PDE1C: variants seen among roughly 807,000 people sequenced by gnomAD.
The protein encoded by PDE1C is phosphodiesterase 1C, also known as dual specificity calcium/calmodulin-dependent 3',5'-cyclic nucleotide phosphodiesterase 1C.
In PDE1C, 62 loss-of-function variants were observed where a neutral mutation model predicts 93.1. That is an observed-to-expected ratio of 0.67 (90% CI 0.54 to 0.82). The LOEUF (loss-of-function observed/expected upper bound fraction) is 0.82, where lower values mean the gene tolerates loss of function less well. PDE1C is among the 40% of genes least tolerant of loss of function. The pLI is 0.00. For synonymous variants in PDE1C, 325 were observed against 310.1 expected, an observed-to-expected ratio of 1.05 and a Z score of -0.50; for missense variants, 742 against 884.6, an observed-to-expected ratio of 0.84 and a Z score of 2.04.
chr7:32,043,586 G>T (rs1792131211), intron 2 of PDE1C, among the ~76,000 whole-genome samples: 1 of 152,126 alleles, frequency 6.6e-6, no homozygotes, highest in Non-Finnish European at 1.5e-5. Flanking sequence ...TATTCAGAAT[G>T]ATCCACCCTG....
At chr7:31,656,168 G>T in the PDE1C span, 3 of 319,448 alleles carry the variant, frequency 9.4e-6, no homozygotes, top group Non-Finnish European at 1.4e-5. Context: ...CCTGTCTTGT[G>T]TTACCATTAT....
chr7:31,885,915 C>A (rs572020692), intron 2 of PDE1C, among the ~76,000 whole-genome samples: 1 of 152,252 alleles, frequency 6.6e-6, no homozygotes, highest in African/African-American at 2.4e-5. Flanking sequence ...CATTCTTTTG[C>A]ACAAATAAAA....
chr7:32,233,991 T>C (rs941295588), intron 1 of PDE1C, among the ~76,000 whole-genome samples: 2 of 151,994 alleles, frequency 1.3e-5, no homozygotes, highest in Admixed American at 1.3e-4. Flanking sequence ...GTCACTAATA[T>C]AAAGATAACA....
the PDE1C span, among the ~76,000 whole-genome samples, chr7:31,675,520 T>C: frequency 6.6e-6 from 1 of 152,152 alleles, no homozygotes; most frequent in Admixed American, 6.5e-5. Flanking sequence ...GCCACCAACA[T>C]CCTGTATTAA....
At chr7:32,421,399 T>C (rs1390550925) in intron 1 of PDE1C, among the ~76,000 whole-genome samples, 1 of 152,256 alleles carries the variant, frequency 6.6e-6, no homozygotes, top group African/African-American at 2.4e-5. Context: ...CAGATTCACC[T>C]ACACGGATGA....
At chr7:32,403,897 TC>T (rs1364618323) in intron 1 of PDE1C, among the ~76,000 whole-genome samples, 1 of 152,208 alleles carries the variant, frequency 6.6e-6, no homozygotes, top group Non-Finnish European at 1.5e-5. Flanking sequence ...TCTTCTTTTT[TC>T]TTTTTTATTT....
At chr7:32,106,289 C>T (rs1798307000) in intron 3 of PDE1C, among the ~76,000 whole-genome samples, 1 of 152,176 alleles carries the variant, frequency 6.6e-6, no homozygotes, top group Non-Finnish European at 1.5e-5. Flanking sequence ...GATTACAATA[C>T]TGCCTCAGCC....
chr7:31,645,491 TG>T, the PDE1C span, among the ~76,000 whole-genome samples: 3 of 152,032 alleles, frequency 2.0e-5, no homozygotes, highest in African/African-American at 7.2e-5. Flanking sequence ...AAAAGTTCAG[TG>T]GAAGAAAAGA....
the PDE1C span, among the ~76,000 whole-genome samples, chr7:31,704,066 A>T: frequency 6.6e-6 from 1 of 152,230 alleles, no homozygotes; most frequent in Admixed American, 6.5e-5. Flanking sequence ...TGGAACCATG[A>T]AAAAGGAATA....
the PDE1C span, among the ~76,000 whole-genome samples, chr7:31,682,220 A>G: frequency 1.3e-5 from 2 of 152,222 alleles, no homozygotes; most frequent in East Asian, 3.8e-4. Flanking sequence ...CTTAAGCACC[A>G]AACATTTTTG....
At chr7:31,853,328 GA>G (rs1793582112) in intron 7 of PDE1C, among the ~76,000 whole-genome samples, 1 of 152,182 alleles carries the variant, frequency 6.6e-6, no homozygotes, top group Non-Finnish European at 1.5e-5. Flanking sequence ...TTGGGGATAA[GA>G]AGAAAGAAAA....
intron 1 of PDE1C, among the ~76,000 whole-genome samples, chr7:32,396,513 A>G (rs1784842660): frequency 1.7e-5 from 2 of 118,602 alleles, no homozygotes; most frequent in Admixed American, 1.8e-4. Context: ...GGATATGCAT[A>G]TTGAAGTATG....
chr7:31,823,323 G>A, intron 13 of PDE1C, 75 bp from the exon 14 acceptor site: 3 of 1,266,766 alleles, frequency 2.4e-6, no homozygotes, highest in Non-Finnish European at 3.3e-6. Context: ...AAGCCCAGAG[G>A]AGGAATGGTT....
At chr7:32,315,106 A>T (rs1205612172) in intron 1 of PDE1C, among the ~76,000 whole-genome samples, 3 of 150,852 alleles carry the variant, frequency 2.0e-5, no homozygotes, top group Non-Finnish European at 4.4e-5. Context: ...ATGTTAAGGA[A>T]AAAGAGCAAA....
rs751320538 is a variant in PDE1C at position 31,841,227 on chromosome 7, C to CTCTATATA, written c.981-3257_981-3256insTATATAGA. ...TCTCTCTGTCTCTCTCTCTCTCTCT[C>CTCTATATA]TATATATATATATATATGTATATGT... is the stretch of plus-strand genomic sequence containing the variant. On this transcript the variant is annotated intron_variant, in intron 9 of 17. Transcript: ENST00000396191. Among the ~76,000 whole-genome samples the CTCTATATA allele has an allele frequency of 3.5e-3, 500 of 142,280 alleles. 5 individuals carry two copies. Among genetic ancestry groups the CTCTATATA allele is most frequent in the East Asian group, 0.012 (60 of 4,830 alleles). The allele number at this position is 142,280 out of a possible 152,430, so 93.3% of individuals were successfully genotyped here.
chr7:31,700,325 A>G, the PDE1C span, among the ~76,000 whole-genome samples: 5 of 152,204 alleles, frequency 3.3e-5, no homozygotes, highest in African/African-American at 1.2e-4. Context: ...TACACCAGCC[A>G]TAACCCTTCC....
chr7:32,022,716 T>C (rs1396373575), intron 2 of PDE1C, among the ~76,000 whole-genome samples: 2 of 152,038 alleles, frequency 1.3e-5, no homozygotes, highest in East Asian at 3.9e-4. Context: ...GTTGTTTCTA[T>C]AATTATTCCT....
At chr7:32,220,472 C>T (rs1416472222) in intron 1 of PDE1C, among the ~76,000 whole-genome samples, 1 of 152,156 alleles carries the variant, frequency 6.6e-6, no homozygotes, top group East Asian at 1.9e-4. Context: ...TCTGTGAGCC[C>T]CTTTCTTCTC....
At chr7:32,205,600 CA>C (rs34527157) in intron 2 of PDE1C, among the ~76,000 whole-genome samples, 50,988 of 151,686 alleles carry the variant, frequency 0.34, 9,244 homozygotes, top group Admixed American at 0.46. Context: ...AAAAGCAGGC[CA>C]ACCCCCCAGC....
Sources: gnomAD v4.1 joint callset for allele counts (sites outside exome capture counted in the v4.1 genomes callset) on GRCh38, gnomAD v4.1.1 for gene constraint, MANE v1.5 for transcripts, NCBI Gene and HGNC (gene_info 2026-07-23, HGNC 2026-07-21) for gene names.